Variants in SCCPDH observed in about 807,000 individuals in gnomAD.
SCCPDH encodes saccharopine dehydrogenase (putative), also known as saccharopine dehydrogenase-like oxidoreductase.
A neutral mutation model predicts 51.5 loss-of-function variants in SCCPDH; 34 were observed. That is an observed-to-expected ratio of 0.66 (90% CI 0.50 to 0.88). SCCPDH has a LOEUF of 0.88. SCCPDH is among the 40% of genes least tolerant of loss of function. The pLI is 0.00. For missense variants in SCCPDH, 464 were observed against 527.1 expected (o/e 0.88, Z 1.17); for synonymous variants, 187 against 191.3 (o/e 0.98, Z 0.19).
At chr1:246,740,892 G>A (rs1668665915) in intron 4 of SCCPDH, among the ~76,000 whole-genome samples, 1 of 152,008 alleles carries the variant, frequency 6.6e-6, no homozygotes, top group South Asian at 2.1e-4. Context: ...ACCAGCCTGG[G>A]CAACATAGTA....
rs1668989581 is a variant in SCCPDH, at chr1:246,760,153, G to GC, written c.934-18_934-17insC. On this transcript the variant is annotated splice_polypyrimidine_tract_variant and intron_variant, in intron 8 of 11. Transcript: ENST00000366510. ...GAGTTTTAAAAAAATATCACTGACGGTTTTTTTTTCCCTTTAGTTCCCATG... is the reference window on the plus strand; with the variant it reads ...GAGTTTTAAAAAAATATCACTGACGGCTTTTTTTTTCCCTTTAGTTCCCATG... 5.1e-6 allele frequency: 8 copies of GC among 1,578,742 alleles called. No individual in the cohort carries two copies. The highest frequency in any genetic ancestry group is 6.9e-6 in the Non-Finnish European group (8 of 1,161,578).
intron 11 of SCCPDH, 129 bp from the exon 12 acceptor site, chr1:246,767,066 A>G: frequency 1.8e-6 from 1 of 562,880 alleles, no homozygotes; most frequent in Non-Finnish European, 3.0e-6. Context: ...GGAAGGAATC[A>G]AAGGTAGCCG....
intron 3 of SCCPDH, among the ~76,000 whole-genome samples, chr1:246,738,277 C>T (rs553651285): frequency 4.0e-5 from 6 of 151,740 alleles, no homozygotes; most frequent in Admixed American, 6.6e-5. Flanking sequence ...CTTTGGGAGG[C>T]CGAGGCAGGC....
intron 2 of SCCPDH, among the ~76,000 whole-genome samples, chr1:246,728,536 T>C (rs1668436921): frequency 6.6e-6 from 1 of 152,214 alleles, no homozygotes; most frequent in Admixed American, 6.5e-5. Flanking sequence ...TTTACAAACG[T>C]TGTGTGGTGC....
At chr1:246,730,647 G>T (rs1017407514) in intron 2 of SCCPDH, among the ~76,000 whole-genome samples, 1 of 152,180 alleles carries the variant, frequency 6.6e-6, no homozygotes, top group Non-Finnish European at 1.5e-5. Context: ...TTAACGGAAC[G>T]TCATGTTTTT....
At chr1:246,761,903 A>G (rs1237311162) in intron 9 of SCCPDH, among the ~76,000 whole-genome samples, 1 of 152,224 alleles carries the variant, frequency 6.6e-6, no homozygotes, top group Non-Finnish European at 1.5e-5. Flanking sequence ...TTTTGGGCAT[A>G]TACTCAGAAA....
At chr1:246,758,935 T>G in intron 6 of SCCPDH, 99 bp from the exon 7 acceptor site, 1 of 786,866 alleles carries the variant, frequency 1.3e-6, no homozygotes, top group South Asian at 1.4e-5. Context: ...ATTACAGGCA[T>G]GAGCCACCAT....
chr1:246,739,890 T>C (rs1668653021), intron 3 of SCCPDH, among the ~76,000 whole-genome samples: 1 of 152,080 alleles, frequency 6.6e-6, no homozygotes, highest in South Asian at 2.1e-4. Context: ...TTTTTTATAT[T>C]TTAATATTTT....
At chr1:246,764,747 G>A (rs2102991740) in intron 10 of SCCPDH, among the ~76,000 whole-genome samples, 2 of 152,372 alleles carry the variant, frequency 1.3e-5, no homozygotes, top group South Asian at 4.1e-4. Flanking sequence ...TGTAAAATAT[G>A]TATGCACACG....
intron 5 of SCCPDH, among the ~76,000 whole-genome samples, chr1:246,753,539 A>T (rs1211981228): frequency 6.6e-6 from 1 of 151,848 alleles, no homozygotes; most frequent in South Asian, 2.1e-4. Context: ...TGGGATACTG[A>T]TTCTTTAATC....
At chr1:246,732,231 C>T (rs1482058615) in intron 2 of SCCPDH, among the ~76,000 whole-genome samples, 1 of 152,020 alleles carries the variant, frequency 6.6e-6, no homozygotes, top group Non-Finnish European at 1.5e-5. Flanking sequence ...TGCAGTATAA[C>T]CAGTTAGGGC....
At chr1:246,740,545 T>C (rs113424474) in intron 4 of SCCPDH, among the ~76,000 whole-genome samples, 66 of 152,360 alleles carry the variant, frequency 4.3e-4, no homozygotes, top group African/African-American at 1.6e-3. Flanking sequence ...TAGTTTGGGC[T>C]GTAAAATTTC....
At chr1:246,739,403 C>G (rs1384033287) in intron 3 of SCCPDH, among the ~76,000 whole-genome samples, 1 of 152,182 alleles carries the variant, frequency 6.6e-6, no homozygotes. Flanking sequence ...CAGTACTCCT[C>G]AAAACCATCA....
At chr1:246,749,514 A>G (rs573618677) in intron 5 of SCCPDH, among the ~76,000 whole-genome samples, 51 of 152,272 alleles carry the variant, frequency 3.3e-4, no homozygotes, top group African/African-American at 1.2e-3. Context: ...CACCACAGAA[A>G]TGGCCTAATG....
chr1:246,766,518 C>T (rs1669089168), intron 11 of SCCPDH, among the ~76,000 whole-genome samples: 1 of 152,146 alleles, frequency 6.6e-6, no homozygotes, highest in Non-Finnish European at 1.5e-5. Context: ...CTGACTGACA[C>T]CAGCATAAAT....
chr1:246,736,074 A>C lies in SCCPDH; in HGVS notation c.384+19A>C, dbSNP rs1479324340. On this transcript the variant is annotated intron_variant, in intron 3 of 11. Transcript: ENST00000366510. Reference sequence around the variant, plus strand: ...ACCTCAGGTATAAAAAATAAAAAGGAAAAACGTAGAATTAACACATAAATT... The same window carrying C: ...ACCTCAGGTATAAAAAATAAAAAGGCAAAACGTAGAATTAACACATAAATT... 7.2e-6 allele frequency: 11 copies of C among 1,531,744 alleles called. No individual in the cohort carries two copies. Among genetic ancestry groups the C allele is most frequent in the Middle Eastern group, 1.7e-4 (1 of 5,868 alleles). 94.9% of individuals were successfully genotyped at this position (1,531,744 alleles called of 1,614,324 possible). A position where few individuals can be genotyped will look rare whatever the true frequency, so the allele number is the denominator to read the frequency against.
intron 2 of SCCPDH, among the ~76,000 whole-genome samples, chr1:246,732,306 A>G (rs1668504560): frequency 2.6e-5 from 4 of 152,080 alleles, no homozygotes; most frequent in Admixed American, 2.6e-4. Flanking sequence ...TGCAGGGGAG[A>G]GGAGACTGAT....
chr1:246,729,244 A>G (rs994788137), intron 2 of SCCPDH, among the ~76,000 whole-genome samples: 4 of 152,216 alleles, frequency 2.6e-5, no homozygotes, highest in Non-Finnish European at 5.9e-5. Flanking sequence ...ACATCTTAAC[A>G]GGAAACAGGG....
At chr1:246,741,410 C>T (rs181778441) in intron 4 of SCCPDH, among the ~76,000 whole-genome samples, 215 of 152,270 alleles carry the variant, frequency 1.4e-3, no homozygotes, top group African/African-American at 4.6e-3. Context: ...AGTGCTCCCT[C>T]CACAACCTCC....
Sources: gnomAD v4.1 joint callset for allele counts (sites outside exome capture counted in the v4.1 genomes callset) on GRCh38, gnomAD v4.1.1 for gene constraint, MANE v1.5 for transcripts, NCBI Gene and HGNC (gene_info 2026-07-23, HGNC 2026-07-21) for gene names.